Variants in RAB31 observed in about 807,000 individuals in gnomAD.
RAB31 encodes the protein RAB31, member RAS oncogene family.
RAB31 carries 21 observed loss-of-function variants against 25.6 expected under a neutral mutation model. The ratio of observed to expected loss-of-function variants is 0.82; its 90% CI spans 0.58 to 1.18. The LOEUF is 1.18. Ranked by LOEUF, RAB31 falls within the 50% of genes most tolerant of loss-of-function variation. The probability of loss-of-function intolerance (pLI) is 0.00; values close to 1 mark genes in which losing one functional copy is unlikely to be tolerated. For missense variants in RAB31, 196 were observed against 250.1 expected (o/e 0.78, Z 1.46); for synonymous variants, 87 against 84.0 (o/e 1.04, Z -0.20).
chr18:9,710,871 C>G (rs1321148251), intron 1 of RAB31, among the ~76,000 whole-genome samples: 1 of 150,974 alleles, frequency 6.6e-6, no homozygotes, highest in Non-Finnish European at 1.5e-5. Context: ...GAAAAGAAAA[C>G]AAAAGAAAAG....
intron 5 of RAB31, among the ~76,000 whole-genome samples, chr18:9,821,077 T>C (rs2068622550): frequency 6.6e-6 from 1 of 152,094 alleles, no homozygotes; most frequent in South Asian, 2.1e-4. Flanking sequence ...GATATGTTGT[T>C]TTTAACTAAT....
chr18:9,708,322 C>A lies in RAB31; in HGVS notation c.-84C>A. The A allele has an allele frequency of 2.7e-6, 3 of 1,095,188 alleles. No individual in the cohort carries two copies. The highest frequency in any genetic ancestry group is 2.4e-6 in the Non-Finnish European group (2 of 821,128). 67.8% of individuals were successfully genotyped at this position (1,095,188 alleles called of 1,614,324 possible). On this transcript the variant is annotated 5_prime_UTR_variant, in exon 1 of 7. Coordinates refer to ENST00000578921, the MANE Select transcript of RAB31 (RefSeq NM_006868.4). This position sits in a 1 kb window ranked among gnomAD's most constrained non-coding sequence, Gnocchi z 6.4. ...GCCCGCGGGCGGCGCGAGCGAGGGG[C>A]AGAGGCGAGAGACGCCGGCGGGGCG...
At chr18:9,827,318 A>G (rs1397038188) in intron 5 of RAB31, among the ~76,000 whole-genome samples, 4 of 152,112 alleles carry the variant, frequency 2.6e-5, no homozygotes, top group African/African-American at 7.2e-5. Flanking sequence ...AAGACCCCTC[A>G]GACCTAGTTT....
chr18:9,764,072 A>G (rs946042969), intron 1 of RAB31, among the ~76,000 whole-genome samples: 1 of 152,210 alleles, frequency 6.6e-6, no homozygotes, highest in African/African-American at 2.4e-5. Flanking sequence ...GGAAATAATC[A>G]TTCTTTATTT....
chr18:9,848,294 G>A (rs948573881), intron 6 of RAB31, among the ~76,000 whole-genome samples: 1 of 151,668 alleles, frequency 6.6e-6, no homozygotes, highest in East Asian at 1.9e-4. Flanking sequence ...CTGTCCTTCT[G>A]TCCATCTGTG....
chr18:9,728,859 T>C (rs1436264095), intron 1 of RAB31, among the ~76,000 whole-genome samples: 1 of 152,198 alleles, frequency 6.6e-6, no homozygotes, highest in Non-Finnish European at 1.5e-5. Flanking sequence ...TAAATTTTTT[T>C]ATTTTTGCTA....
intron 3 of RAB31, among the ~76,000 whole-genome samples, chr18:9,810,348 T>A (rs2068564317): frequency 1.3e-5 from 2 of 152,238 alleles, no homozygotes; most frequent in African/African-American, 4.8e-5. Context: ...CCCACAGGAA[T>A]TGAATTATGT....
chr18:9,748,063 C>G (rs1568168621), intron 1 of RAB31, among the ~76,000 whole-genome samples: 1 of 152,166 alleles, frequency 6.6e-6, no homozygotes, highest in African/African-American at 2.4e-5. Context: ...TTCCTGAATA[C>G]CACCTCATCA....
chr18:9,845,586 G>C lies in RAB31; in HGVS notation c.385G>C (p.Val129Leu). 2.0e-6 allele frequency: 3 copies of C among 1,535,880 alleles called. No individual in the cohort carries two copies. Among genetic ancestry groups the C allele is most frequent in the Non-Finnish European group, 2.6e-6 (3 of 1,143,932 alleles). ...NKCDLSDIRE[V>L]PLKDAKEYAE... is the part of the protein sequence containing the mutation. The stretch of plus-strand genomic sequence containing the variant: ...TACATTTGACCTCTTTTCCAGGGAG[G>C]TTCCCCTGAAGGATGCTAAGGAATA... Residue 129 changes from valine to leucine, a missense_variant, in exon 6 of 7, where the codon GTT (valine) becomes CTT (leucine). By Grantham distance (32) the Val-to-Leu change is conservative. Coordinates refer to ENST00000578921, the MANE Select transcript of RAB31 (RefSeq NM_006868.4).
chr18:9,744,206 C>G (rs193087118), intron 1 of RAB31, among the ~76,000 whole-genome samples: 2 of 152,306 alleles, frequency 1.3e-5, no homozygotes, highest in Admixed American at 6.5e-5. Flanking sequence ...GCATACCCTT[C>G]CAAGGTATCT....
intron 6 of RAB31, among the ~76,000 whole-genome samples, chr18:9,857,500 G>C (rs2068822369): frequency 6.6e-6 from 1 of 151,470 alleles, no homozygotes; most frequent in Admixed American, 6.6e-5. Context: ...AAATGCCCAT[G>C]TGTGATTTTT....
In RAB31 at chr18:9,708,527, C is replaced by T; in HGVS notation, c.39+83C>T. On this transcript the variant is annotated intron_variant, in intron 1 of 6. Transcript: ENST00000578921. This position sits in a 1 kb window ranked among gnomAD's most constrained non-coding sequence, Gnocchi z 6.4. Reference sequence around the variant, plus strand: ...CTCCCCTATTCCCTGCGCGCTCAGTCCCCGTGATCCCCTCGCTCTCCGCAC... The same window carrying T: ...CTCCCCTATTCCCTGCGCGCTCAGTTCCCGTGATCCCCTCGCTCTCCGCAC... The T allele has an allele frequency of 1.7e-6, 2 of 1,205,374 alleles. No homozygotes were observed. The highest frequency in any genetic ancestry group is 2.3e-6 in the Non-Finnish European group (2 of 888,398). 74.7% of individuals were successfully genotyped at this position (1,205,374 alleles called of 1,614,324 possible).
At chr18:9,719,286 A>G (rs1263522270) in intron 1 of RAB31, among the ~76,000 whole-genome samples, 1 of 66,784 alleles carries the variant, frequency 1.5e-5, no homozygotes, top group Non-Finnish European at 3.1e-5. Context: ...AAAAAAAAAA[A>G]AAAAAAAAAA....
At chr18:9,725,922 A>T (rs2145461691) in intron 1 of RAB31, 1 of 152,310 alleles carries the variant, frequency 6.6e-6, no homozygotes, top group East Asian at 1.9e-4. Context: ...AGCGACAACA[A>T]TATATTTGTT....
intron 6 of RAB31, among the ~76,000 whole-genome samples, chr18:9,858,524 G>A (rs1033518483): frequency 5.3e-5 from 8 of 152,120 alleles, no homozygotes; most frequent in Admixed American, 3.9e-4. Context: ...ATACCCTTTA[G>A]CTGTCATCTC....
At position 9,814,147 on chromosome 18, in the gene RAB31, A is replaced by T. The variant is rs1025807596; in HGVS notation, c.273+56A>T. 5 of 1,332,008 alleles carry T rather than the reference A, an allele frequency of 3.8e-6. No homozygotes were observed. In the Admixed American group the frequency reaches 7.8e-5, roughly 21 times the overall value. 82.5% of individuals were successfully genotyped at this position (1,332,008 alleles called of 1,614,324 possible). A position where few individuals can be genotyped will look rare whatever the true frequency, so the allele number is the denominator to read the frequency against. On this transcript the variant is annotated intron_variant, in intron 4 of 6. Transcript: ENST00000578921. ...CATTTATGGTGGTTCTCTCACTTAGAGAGACTGGAGCAGAGACGTCACTGC... is the reference window on the plus strand; with the variant it reads ...CATTTATGGTGGTTCTCTCACTTAGTGAGACTGGAGCAGAGACGTCACTGC...
At chr18:9,719,445 C>A (rs868395934) in intron 1 of RAB31, among the ~76,000 whole-genome samples, 65 of 149,168 alleles carry the variant, frequency 4.4e-4, no homozygotes, top group Middle Eastern at 3.5e-3. Flanking sequence ...GGCTTTAATC[C>A]CATTTTTTAA....
At chr18:9,845,719 C>A in intron 6 of RAB31, 28 bp downstream of exon 6, 3 of 1,521,656 alleles carry the variant, frequency 2.0e-6, no homozygotes, top group Non-Finnish European at 2.6e-6. Flanking sequence ...GGTTTTCAGC[C>A]CAACTTGCAT....
At chr18:9,773,023 G>A (rs192052231) in intron 1 of RAB31, among the ~76,000 whole-genome samples, 19 of 152,262 alleles carry the variant, frequency 1.2e-4, no homozygotes, top group Non-Finnish European at 2.2e-4. Context: ...TGATTCTGCC[G>A]TCACCTCTTT....
Sources: allele counts gnomAD v4.1 joint callset (sites outside exome capture counted in the v4.1 genomes callset), GRCh38; gene constraint gnomAD v4.1.1; non-coding constraint Gnocchi (gnomAD v3.1); transcripts MANE v1.5; gene names NCBI Gene and HGNC (gene_info 2026-07-23, HGNC 2026-07-21).